The following ADAM12 variants were observed in gnomAD, a reference collection of about 807,000 sequenced individuals.
ADAM12 encodes disintegrin and metalloproteinase domain-containing protein 12.
Under a neutral mutation model 106.4 loss-of-function variants are expected in ADAM12, and 70 were observed. That is an observed-to-expected ratio of 0.66 (90% CI 0.54 to 0.80). The LOEUF is 0.80. ADAM12 is among the 30% of genes least tolerant of loss of function. ADAM12 has a pLI of 0.00. For missense variants in ADAM12, 1,010 were observed against 1,171.9 expected (o/e 0.86, Z 2.02); for synonymous variants, 420 against 433.5 (o/e 0.97, Z 0.39).
intron 3 of ADAM12, among the ~76,000 whole-genome samples, chr10:126,159,899 G>A (rs10794063): frequency 0.49 from 62,554 of 128,460 alleles, 13,426 homozygotes; most frequent in East Asian, 0.68. Context: ...GAGCTCTGGA[G>A]AGTTCTTAAG....
intron 6 of ADAM12, 54 bp downstream of exon 6, chr10:126,117,984 C>A (rs150545628): frequency 1.6e-5 from 26 of 1,581,480 alleles, no homozygotes; most frequent in South Asian, 1.2e-4. Flanking sequence ...TGTGGGGTAT[C>A]CGTAGCTTGA....
intron 3 of ADAM12, among the ~76,000 whole-genome samples, chr10:126,199,330 C>T (rs774763339): frequency 3.9e-5 from 6 of 152,136 alleles, no homozygotes; most frequent in Non-Finnish European, 8.8e-5. Flanking sequence ...CTGACCATCC[C>T]GCTGAAATGG....
chr10:126,101,929 C>T (rs541126643), intron 8 of ADAM12, among the ~76,000 whole-genome samples: 2 of 152,228 alleles, frequency 1.3e-5, no homozygotes, highest in African/African-American at 4.8e-5. Context: ...CTCTTTTATG[C>T]GCCTGTGAAA....
chr10:126,082,148 C>T (rs545808216), intron 11 of ADAM12, among the ~76,000 whole-genome samples: 20 of 152,206 alleles, frequency 1.3e-4, no homozygotes, highest in Admixed American at 1.2e-3. Flanking sequence ...AAAACAAAAA[C>T]GCCATTTAGA....
chr10:126,233,482 A>G (rs1041479408), intron 3 of ADAM12, among the ~76,000 whole-genome samples: 19 of 152,118 alleles, frequency 1.2e-4, no homozygotes, highest in African/African-American at 4.6e-4. Flanking sequence ...AGAGAAAAGT[A>G]GAGAGGCACC....
At chr10:126,318,956 A>G (rs1328662419) in intron 2 of ADAM12, among the ~76,000 whole-genome samples, 1 of 152,214 alleles carries the variant, frequency 6.6e-6, no homozygotes. Context: ...AGATCTCGTG[A>G]GACTTATTCA....
chr10:126,358,681 T>A (rs1016048132), intron 1 of ADAM12, among the ~76,000 whole-genome samples: 3 of 152,080 alleles, frequency 2.0e-5, no homozygotes, highest in African/African-American at 7.2e-5. Flanking sequence ...GACACCCAAA[T>A]AGGAAAGGAA....
intron 1 of ADAM12, among the ~76,000 whole-genome samples, chr10:126,385,063 T>TA (rs1419038266): frequency 6.6e-6 from 1 of 152,222 alleles, no homozygotes; most frequent in Admixed American, 6.5e-5. Flanking sequence ...CACTTGCTTA[T>TA]ATTTACCAGT....
At chr10:126,347,851 T>G (rs189989732) in intron 1 of ADAM12, among the ~76,000 whole-genome samples, 182 of 152,342 alleles carry the variant, frequency 1.2e-3, no homozygotes, top group African/African-American at 4.1e-3. Flanking sequence ...TGGGTCACCC[T>G]GAATCCTGCC....
chr10:126,161,573 C>T (rs1039469878), intron 3 of ADAM12, among the ~76,000 whole-genome samples: 1 of 152,334 alleles, frequency 6.6e-6, no homozygotes, highest in South Asian at 2.1e-4. Context: ...GAGGAGCATG[C>T]GGCAGGCACT....
At chr10:126,293,548 C>G (rs1590743148) in intron 2 of ADAM12, among the ~76,000 whole-genome samples, 1 of 152,280 alleles carries the variant, frequency 6.6e-6, no homozygotes, top group East Asian at 1.9e-4. Flanking sequence ...GAGATGGAGT[C>G]TCACTCTTCA....
At chr10:126,035,356 A>G (rs1259188333) in intron 21 of ADAM12, among the ~76,000 whole-genome samples, 1 of 152,210 alleles carries the variant, frequency 6.6e-6, no homozygotes, top group Admixed American at 6.5e-5. Flanking sequence ...ATACATCAAT[A>G]CATGCCCAAT....
intron 21 of ADAM12, among the ~76,000 whole-genome samples, chr10:126,027,415 T>TAAA (rs35918077): frequency 6.7e-6 from 1 of 150,322 alleles, no homozygotes; most frequent in African/African-American, 2.4e-5. Flanking sequence ...CTGGGAGAGA[T>TAAA]AAAAAAAAAC....
At chr10:126,039,564 TAATAAA>T in intron 18 of ADAM12, 135 bp from the exon 19 acceptor site, 6 of 1,030,624 alleles carry the variant, frequency 5.8e-6, no homozygotes, top group South Asian at 1.6e-5. Flanking sequence ...AGTGATGTAC[TAATAAA>T]CTGTCTTACT....
At chr10:126,073,153 G>A (rs1422199560) in intron 11 of ADAM12, among the ~76,000 whole-genome samples, 1 of 152,170 alleles carries the variant, frequency 6.6e-6, no homozygotes. Flanking sequence ...ATGCTGGAGT[G>A]CAGTGTCTCA....
chr10:126,133,118 C>A (rs766406228), intron 5 of ADAM12, among the ~76,000 whole-genome samples: 1 of 152,252 alleles, frequency 6.6e-6, no homozygotes, highest in Non-Finnish European at 1.5e-5. Flanking sequence ...GCTGATTCCA[C>A]TGATATCACC....
intron 1 of ADAM12, among the ~76,000 whole-genome samples, chr10:126,343,432 T>G (rs1030337876): frequency 6.6e-6 from 1 of 152,256 alleles, no homozygotes; most frequent in Non-Finnish European, 1.5e-5. Flanking sequence ...CTATCATTGT[T>G]GGACATTTGG....
intron 1 of ADAM12, among the ~76,000 whole-genome samples, chr10:126,373,365 C>T (rs1344631287): frequency 1.3e-5 from 2 of 152,192 alleles, no homozygotes; most frequent in African/African-American, 4.8e-5. Flanking sequence ...CCCCAAAGCT[C>T]AGCTTGGCCC....
At chr10:126,117,233 T>C (rs1004595009) in intron 6 of ADAM12, among the ~76,000 whole-genome samples, 1 of 152,192 alleles carries the variant, frequency 6.6e-6, no homozygotes, top group East Asian at 1.9e-4. Context: ...GCCCACATAA[T>C]GCCAGAGAGA....
Sources: allele counts gnomAD v4.1 joint callset (sites outside exome capture counted in the v4.1 genomes callset), GRCh38; gene constraint gnomAD v4.1.1; transcripts MANE v1.5; gene names NCBI Gene and HGNC (gene_info 2026-07-23, HGNC 2026-07-21).